PTPRU: variants seen among roughly 807,000 people sequenced by gnomAD.
PTPRU encodes receptor-type tyrosine-protein phosphatase U.
A neutral mutation model predicts 166.3 loss-of-function variants in PTPRU; 69 were observed. The observed-to-expected ratio is 0.41, with a 90% CI of 0.34 to 0.51. The LOEUF (loss-of-function observed/expected upper bound fraction) is 0.51, where lower values mean the gene tolerates loss of function less well. Among genes scored for constraint, PTPRU ranks in the 20% least tolerant of loss-of-function variants. The pLI, the probability that PTPRU is intolerant of heterozygous loss-of-function variation, is 0.09. For missense variants in PTPRU, 1,657 were observed against 2,013.7 expected, an observed-to-expected ratio of 0.82 and a Z score of 3.39; for synonymous variants, 793 against 814.0, an observed-to-expected ratio of 0.97 and a Z score of 0.44.
rs117591112 is a variant in PTPRU at position 29,271,202 on chromosome 1, G to T, written c.1145-4246G>T. ...TGATCTCGGAGTGACCTGTAGCCCT[G>T]TGTAATTTAGAGGGATGGGGCTTTG... On this transcript the variant is annotated intron_variant, in intron 7 of 29. Coordinates refer to ENST00000373779, the MANE Select transcript of PTPRU (RefSeq NM_133178.4). The surrounding 1 kb of genome is among the most constrained non-coding windows in gnomAD (Gnocchi z 4.4). Among the ~76,000 whole-genome samples the T allele has an allele frequency of 1.3e-5, 2 of 152,342 alleles. No homozygotes were observed. The highest frequency in any genetic ancestry group is 3.9e-4 in the East Asian group (2 of 5,186).
At chr1:29,242,080 T>C (rs4654396) in intron 1 of PTPRU, among the ~76,000 whole-genome samples, 51,149 of 151,134 alleles carry the variant, frequency 0.34, 10,582 homozygotes, top group Non-Finnish European at 0.46. Flanking sequence ...TTAGTAGAGA[T>C]GGGGTTTCAC....
rs1348143409 is a variant in PTPRU at position 29,316,076 on chromosome 1, G to T, written c.3438G>T (p.Glu1146Asp). Residue 1146 changes from glutamate (E) to aspartate (D), a missense_variant, in exon 24 of 30, where the codon GAG (glutamate) becomes GAT (aspartate). This residue lies in a region of PTPRU where 1,190 missense variants were observed against 1,477.4 expected (regional missense o/e 0.81). Transcript: ENST00000373779. ...LCGETTIPVS[E>D]FKATYKEMIR... The stretch of plus-strand genomic sequence containing the variant: ...GGGAGACCACCATCCCTGTCAGTGA[G>T]TTCAAGGCCACCTACAAGGAGATGA... 1.2e-6 allele frequency: 2 copies of T among 1,614,076 alleles called. No homozygotes were observed. The highest frequency in any genetic ancestry group is 4.5e-5 in the East Asian group (2 of 44,896).
At chr1:29,310,922 C>A in intron 19 of PTPRU, 142 bp downstream of exon 19, 3 of 1,044,444 alleles carry the variant, frequency 2.9e-6, no homozygotes, top group Non-Finnish European at 4.5e-6. Context: ...TGGCTCCCTG[C>A]TTGTTCATCT....
rs777386902 is a variant in PTPRU at position 29,315,428 on chromosome 1, C to T, written c.3284C>T (p.Ala1095Val). The change falls in exon 23 of 30, where the codon GCA becomes GTA. Residue 1095 changes from alanine to valine, a missense_variant. Transcript: ENST00000373779. This position sits in a 1 kb window ranked among gnomAD's most constrained non-coding sequence, Gnocchi z 4.5. ...YIVLDVMLDM[A>V]ECEGVVDIYN... ...GTCCTGGATGTGATGCTGGACATGG[C>T]AGAGTGTGAGGGCGTCGTGGACATT... 1 of 1,614,226 alleles carries T rather than the reference C, an allele frequency of 6.2e-7. No homozygotes were observed. The highest frequency in any genetic ancestry group is 8.5e-7 in the Non-Finnish European group (1 of 1,180,044).
In PTPRU at chr1:29,245,967, G is replaced by A. The variant is rs944662256; in HGVS notation, c.73+9250G>A. Among the ~76,000 whole-genome samples, 7 of 152,346 alleles carry A rather than the reference G, an allele frequency of 4.6e-5. No homozygotes were observed. The East Asian group carries it at 5.8e-4, about 13-fold the overall frequency. ...GCTCCTCGCATTGCAGCACTGCACC[G>A]TGCCAACAGATGGCATGCTACCACA... On this transcript the variant is annotated intron_variant, in intron 1 of 29. Coordinates refer to ENST00000373779, the MANE Select transcript of PTPRU (RefSeq NM_133178.4).
intron 28 of PTPRU, among the ~76,000 whole-genome samples, chr1:29,324,291 G>A (rs1437858575): frequency 6.6e-6 from 1 of 152,208 alleles, no homozygotes; most frequent in Non-Finnish European, 1.5e-5. Flanking sequence ...AGCCTTTCGA[G>A]TGGCAGGCTG....
At chr1:29,307,536 G>A (rs1687449137) in intron 18 of PTPRU, among the ~76,000 whole-genome samples, 1 of 152,228 alleles carries the variant, frequency 6.6e-6, no homozygotes, top group Non-Finnish European at 1.5e-5. Flanking sequence ...GGGTGCAGGG[G>A]AAGCTGCCCT....
At chr1:29,318,539 T>C (rs374723961) in intron 25 of PTPRU, among the ~76,000 whole-genome samples, 2 of 152,326 alleles carry the variant, frequency 1.3e-5, no homozygotes. Context: ...CTAGGATTAT[T>C]ATCCCTATTC....
At chr1:29,243,060 G>A (rs1406552488) in intron 1 of PTPRU, among the ~76,000 whole-genome samples, 1 of 152,072 alleles carries the variant, frequency 6.6e-6, no homozygotes, top group African/African-American at 2.4e-5. Flanking sequence ...ACCACGCTCG[G>A]CTAATTTTTT....
rs1438142081 is a variant in PTPRU, at chr1:29,304,840, A to G, written c.2734A>G (p.Met912Val). ...GGTCAAGGGCAGCCGGCAGGAGCCAATGCCTGCCTGTGAGTCCTGGGGAAG... is the reference window on the plus strand; with the variant it reads ...GGTCAAGGGCAGCCGGCAGGAGCCAGTGCCTGCCTGTGAGTCCTGGGGAAG... ...DKVKGSRQEP[M>V]PAYDRHRVKL... The change falls in exon 17 of 30, where the codon ATG (methionine) becomes GTG (valine). Residue 912 changes from methionine (M) to valine (V), a missense_variant. By Grantham distance (21) the Met-to-Val change is conservative. Transcript: ENST00000373779. The G allele has an allele frequency of 3.7e-6, 6 of 1,610,126 alleles. No homozygotes were observed. The highest frequency in any genetic ancestry group is 1.3e-5 in the African/African-American group (1 of 74,866).
intron 22 of PTPRU, 35 bp downstream of exon 22, chr1:29,312,741 C>A: frequency 6.3e-7 from 1 of 1,577,864 alleles, no homozygotes; most frequent in Non-Finnish European, 8.7e-7. Context: ...AGAAAAGGGG[C>A]CCTTCTCCCT....
At position 29,311,823 on chromosome 1, in the gene PTPRU, A is replaced by G; in HGVS notation, c.3072+64A>G. 6.8e-7 allele frequency: 1 copy of G among 1,473,278 alleles called. No homozygotes were observed. 91.3% of individuals were successfully genotyped at this position (1,473,278 alleles called of 1,614,324 possible). ...TGAGCAGGGATTAGAGCCCACTCCC[A>G]CTTCCCCCAGCCCTGGGAGCAGGAG... On this transcript the variant is annotated intron_variant, in intron 21 of 29. Coordinates refer to ENST00000373779, the MANE Select transcript of PTPRU (RefSeq NM_133178.4). The surrounding 1 kb of genome is among the most constrained non-coding windows in gnomAD (Gnocchi z 4.1).
intron 14 of PTPRU, among the ~76,000 whole-genome samples, chr1:29,287,021 C>T (rs931296321): frequency 6.6e-6 from 1 of 152,098 alleles, no homozygotes; most frequent in African/African-American, 2.4e-5. Context: ...GATGCAGCAG[C>T]CCTGGCAGGG....
intron 18 of PTPRU, among the ~76,000 whole-genome samples, chr1:29,309,102 G>A (rs553743217): frequency 5.9e-5 from 9 of 152,270 alleles, no homozygotes; most frequent in East Asian, 3.9e-4. Flanking sequence ...GGTCATTTTC[G>A]TGGGAACAGT....
At chr1:29,242,259 A>T (rs993069777) in intron 1 of PTPRU, among the ~76,000 whole-genome samples, 21 of 152,156 alleles carry the variant, frequency 1.4e-4, no homozygotes, top group Non-Finnish European at 2.4e-4. Context: ...CCATGTATCC[A>T]GGATGTGTCC....
At chr1:29,316,702 C>T (rs1023547536) in intron 24 of PTPRU, among the ~76,000 whole-genome samples, 5 of 152,266 alleles carry the variant, frequency 3.3e-5, no homozygotes, top group African/African-American at 4.8e-5. Flanking sequence ...GTGCTGGGCT[C>T]CCATCATCTC....
chr1:29,313,331 C>T (rs1287560534), intron 22 of PTPRU, among the ~76,000 whole-genome samples: 2 of 152,170 alleles, frequency 1.3e-5, no homozygotes, highest in Non-Finnish European at 2.9e-5. Flanking sequence ...GGTTCCTCTA[C>T]TGTGTTCTTA....
intron 1 of PTPRU, among the ~76,000 whole-genome samples, chr1:29,241,196 C>T (rs1411299824): frequency 1.3e-5 from 2 of 152,132 alleles, no homozygotes; most frequent in East Asian, 3.9e-4. Flanking sequence ...TCTGGCTATC[C>T]AAGTATCACA....
At position 29,276,259 on chromosome 1, in the gene PTPRU, C is replaced by T. The variant is rs142335937; in HGVS notation, c.1453+503C>T. Among the ~76,000 whole-genome samples the T allele has an allele frequency of 1.8e-3, 275 of 151,688 alleles. 1 individual carries two copies. Among genetic ancestry groups the T allele is most frequent in the African/African-American group, 6.2e-3 (258 of 41,322 alleles). On this transcript the variant is annotated intron_variant, in intron 8 of 29. Transcript: ENST00000373779. ...GCAGCCTCCTCCTCCCAGGCTCAAG[C>T]GATCCTCCCACCTCAGCCTCCTGAG...
Sources: gnomAD v4.1 joint callset for allele counts (sites outside exome capture counted in the v4.1 genomes callset) on GRCh38, gnomAD v4.1.1 for gene constraint, gnomAD v4.1.1 regional missense constraint, Gnocchi (gnomAD v3.1) non-coding constraint, MANE v1.5 for transcripts, NCBI Gene and HGNC (gene_info 2026-07-23, HGNC 2026-07-21) for gene names.